The following CAB39 variants were observed in gnomAD, a reference collection of about 807,000 sequenced individuals.
CAB39 encodes the protein calcium binding protein 39, also known as calcium-binding protein 39.
Under a neutral mutation model 40.0 loss-of-function variants are expected in CAB39, and 8 were observed. The observed-to-expected ratio is 0.20, with a 90% CI of 0.12 to 0.36. The LOEUF is 0.36. CAB39 is among the 10% of genes least tolerant of loss of function. The pLI is 1.00. For synonymous variants in CAB39, 156 were observed against 141.6 expected, an observed-to-expected ratio of 1.10 and a Z score of -0.72; for missense variants, 270 against 401.1, an observed-to-expected ratio of 0.67 and a Z score of 2.79.
intron 2 of CAB39, among the ~76,000 whole-genome samples, chr2:230,766,694 A>C (rs1695392173): frequency 6.6e-6 from 1 of 152,144 alleles, no homozygotes; most frequent in African/African-American, 2.4e-5. Context: ...ATGTTTGGCA[A>C]ATTTTTCTAT....
chr2:230,818,108 C>A, intron 8 of CAB39: 2 of 524,618 alleles, frequency 3.8e-6, no homozygotes, highest in Non-Finnish European at 6.6e-6. Flanking sequence ...AAGGTTTGTT[C>A]ATAGAAGAGT....
intron 1 of CAB39, among the ~76,000 whole-genome samples, chr2:230,733,089 T>C (rs1025173797): frequency 6.6e-6 from 1 of 152,166 alleles, no homozygotes; most frequent in African/African-American, 2.4e-5. Flanking sequence ...GAAATGGACA[T>C]GCACAGGAAA....
rs1348252572 is a variant in CAB39, at chr2:230,794,911, C to T, written c.398+1580C>T. Among the ~76,000 whole-genome samples, 4 of 152,142 alleles carry T rather than the reference C, an allele frequency of 2.6e-5. No individual in the cohort carries two copies. In the East Asian group the frequency reaches 7.7e-4, roughly 29 times the overall value. On this transcript the variant is annotated intron_variant, in intron 4 of 8. Coordinates refer to ENST00000258418, the MANE Select transcript of CAB39 (RefSeq NM_016289.4). The stretch of plus-strand genomic sequence containing the variant: ...CACAGTTACGTTACCATTTGCAAAC[C>T]TAATGTCTAATGCCCAATCTACAGA...
rs187196296 is a variant in CAB39 at position 230,733,763 on chromosome 2, C to A, written c.-44+20533C>A. On this transcript the variant is annotated intron_variant, in intron 1 of 8. Transcript: ENST00000258418. The stretch of plus-strand genomic sequence containing the variant: ...ATGTTTAATTCTTTATTTTCCATAT[C>A]CCTTCCAAGTTTTAGAGCAAATGTT... 2.5e-3 allele frequency among the ~76,000 whole-genome samples: 380 copies of A among 152,272 alleles called. 2 individuals are homozygous for A. The highest frequency in any genetic ancestry group is 4.1e-3 in the Non-Finnish European group (277 of 68,028).
chr2:230,799,045 A>G (rs1696039180), intron 5 of CAB39, 148 bp downstream of exon 5: 2 of 576,474 alleles, frequency 3.5e-6, no homozygotes, highest in Non-Finnish European at 5.9e-6. Flanking sequence ...TGATAGAGGT[A>G]TATGCAGTAA....
chr2:230,780,381 A>C (rs1695666351), intron 2 of CAB39, among the ~76,000 whole-genome samples: 1 of 152,202 alleles, frequency 6.6e-6, no homozygotes, highest in Non-Finnish European at 1.5e-5. Context: ...ACTAATGCAC[A>C]GGCCTTTTTC....
chr2:230,783,162 G>A (rs983051051), intron 2 of CAB39, among the ~76,000 whole-genome samples: 40 of 152,068 alleles, frequency 2.6e-4, no homozygotes, highest in African/African-American at 9.4e-4. Context: ...ACCAGATGCA[G>A]TAGTTGGCTT....
At chr2:230,723,180 C>T (rs1052566710) in intron 1 of CAB39, among the ~76,000 whole-genome samples, 4 of 152,076 alleles carry the variant, frequency 2.6e-5, no homozygotes, top group African/African-American at 7.2e-5. Flanking sequence ...GTTTTATCCA[C>T]GTTTCTGCAG....
At chr2:230,777,084 C>G (rs1695605342) in intron 2 of CAB39, among the ~76,000 whole-genome samples, 1 of 152,120 alleles carries the variant, frequency 6.6e-6, no homozygotes, top group African/African-American at 2.4e-5. Context: ...CGAGAAAGAT[C>G]TTTGTTTCCT....
chr2:230,734,933 G>A (rs1394857294), intron 1 of CAB39, among the ~76,000 whole-genome samples: 1 of 152,138 alleles, frequency 6.6e-6, no homozygotes, highest in Non-Finnish European at 1.5e-5. Flanking sequence ...ATTTGGTGGC[G>A]GTGGTGGGGT....
chr2:230,773,613 CAT>C (rs1412546714), intron 2 of CAB39, among the ~76,000 whole-genome samples: 1 of 152,070 alleles, frequency 6.6e-6, no homozygotes, highest in African/African-American at 2.4e-5. Context: ...ACCAGGCTGA[CAT>C]AGAAATTCAA....
intron 1 of CAB39, among the ~76,000 whole-genome samples, chr2:230,714,834 A>G (rs553141653): frequency 6.6e-6 from 1 of 152,228 alleles, no homozygotes; most frequent in South Asian, 2.1e-4. Flanking sequence ...TTCGAAATCT[A>G]GAATATACGA....
chr2:230,747,647 G>A (rs761892136), intron 1 of CAB39, among the ~76,000 whole-genome samples: 19 of 152,244 alleles, frequency 1.2e-4, no homozygotes, highest in African/African-American at 4.1e-4. Flanking sequence ...GAAAATTAGC[G>A]CAAAATATAA....
Position 230,735,816 on chromosome 2 carries a change from C to CA in CAB39, c.-44+22594dup, listed in dbSNP as rs200227357. 5.3e-4 allele frequency among the ~76,000 whole-genome samples: 81 copies of CA among 151,950 alleles called. 1 individual carries two copies. In the East Asian group the frequency reaches 0.013, roughly 25 times the overall value. On this transcript the variant is annotated intron_variant, in intron 1 of 8. Transcript: ENST00000258418. Reference sequence around the variant, plus strand: ...AGGCATGAGCTACCATGCCCAACAACAAAAAAAATATTTTTATATAAAGAC... The same window carrying CA: ...AGGCATGAGCTACCATGCCCAACAACAAAAAAAAATATTTTTATATAAAGAC...
At chr2:230,760,783 A>G (rs1211936712) in intron 2 of CAB39, among the ~76,000 whole-genome samples, 1 of 152,148 alleles carries the variant, frequency 6.6e-6, no homozygotes, top group Non-Finnish European at 1.5e-5. Flanking sequence ...CTTCCCTAAA[A>G]TATAATTTTT....
At chr2:230,818,397 C>A in intron 8 of CAB39, 119 bp from the exon 9 acceptor site, 1 of 720,294 alleles carries the variant, frequency 1.4e-6, no homozygotes, top group Non-Finnish European at 2.3e-6. Flanking sequence ...ACCTAATGAC[C>A]CTGACTTCAG....
At chr2:230,728,045 C>A (rs1694618045) in intron 1 of CAB39, among the ~76,000 whole-genome samples, 1 of 151,888 alleles carries the variant, frequency 6.6e-6, no homozygotes, top group Non-Finnish European at 1.5e-5. Flanking sequence ...TCAAGACCAG[C>A]CTGGTCAACA....
At chr2:230,817,119 G>GT (rs758645366) in intron 7 of CAB39, among the ~76,000 whole-genome samples, 7 of 152,130 alleles carry the variant, frequency 4.6e-5, no homozygotes, top group Non-Finnish European at 1.0e-4. Flanking sequence ...GTAAACAGAT[G>GT]TTTTTTTAGC....
At chr2:230,773,734 A>G (rs919757214) in intron 2 of CAB39, among the ~76,000 whole-genome samples, 1 of 152,152 alleles carries the variant, frequency 6.6e-6, no homozygotes, top group African/African-American at 2.4e-5. Flanking sequence ...AGTAAAATGT[A>G]TTTGGGAGAC....
Sources: allele counts gnomAD v4.1 joint callset (sites outside exome capture counted in the v4.1 genomes callset), GRCh38; gene constraint gnomAD v4.1.1; transcripts MANE v1.5; gene names NCBI Gene and HGNC (gene_info 2026-07-23, HGNC 2026-07-21).